SNX25: variants seen among roughly 807,000 people sequenced by gnomAD.
SNX25 encodes sorting nexin 25.
A neutral mutation model predicts 113.7 loss-of-function variants in SNX25; 62 were observed. That is an observed-to-expected ratio of 0.55 (90% CI 0.44 to 0.67). The LOEUF (loss-of-function observed/expected upper bound fraction) is 0.67. SNX25 is among the 30% of genes least tolerant of loss of function. The pLI, the probability that SNX25 is intolerant of heterozygous loss-of-function variation, is 0.00. For missense variants in SNX25, 1,014 were observed against 1,161.0 expected (o/e 0.87, Z 1.84); for synonymous variants, 421 against 436.2 (o/e 0.97, Z 0.43).
intron 3 of SNX25, among the ~76,000 whole-genome samples, chr4:185,261,470 G>A (rs990064514): frequency 9.9e-5 from 15 of 152,250 alleles, no homozygotes; most frequent in Non-Finnish European, 1.9e-4. Flanking sequence ...CACTGTGCCC[G>A]GCTTGAGGAC....
chr4:185,330,062 C>CA (rs2126702611), intron 9 of SNX25, among the ~76,000 whole-genome samples: 1 of 152,226 alleles, frequency 6.6e-6, no homozygotes, highest in Non-Finnish European at 1.5e-5. Context: ...GCTCAATAGT[C>CA]AAAGACAGGT....
chr4:185,244,727 T>G (rs1167938121), intron 1 of SNX25, among the ~76,000 whole-genome samples: 2 of 152,218 alleles, frequency 1.3e-5, no homozygotes, highest in Non-Finnish European at 2.9e-5. Context: ...TGCTATATAT[T>G]AATTTGAGCA....
Position 185,346,527 on chromosome 4 carries a change from C to T in SNX25, c.2188-10C>T. The T allele has an allele frequency of 6.6e-7, 1 of 1,510,642 alleles. No homozygotes were observed. Among genetic ancestry groups the T allele is most frequent in the Non-Finnish European group, 9.0e-7 (1 of 1,107,296 alleles). 93.6% of individuals were successfully genotyped at this position (1,510,642 alleles called of 1,614,324 possible). A position where few individuals can be genotyped will look rare whatever the true frequency, so the allele number is the denominator to read the frequency against. The stretch of plus-strand genomic sequence containing the variant: ...TCAAAATACTAACATTTCATTTTTT[C>T]CCCCCACAGTGCGTCCCTTCTTTAA... On this transcript the variant is annotated splice_polypyrimidine_tract_variant and intron_variant, in intron 12 of 18. Coordinates refer to ENST00000652585, the MANE Select transcript of SNX25 (RefSeq NM_001378034.2).
intron 1 of SNX25, among the ~76,000 whole-genome samples, chr4:185,240,482 G>A (rs1487043054): frequency 3.3e-5 from 5 of 150,018 alleles, no homozygotes; most frequent in African/African-American, 9.8e-5. Flanking sequence ...GGGCAGAGGC[G>A]CCCCTCACCT....
chr4:185,279,630 T>C (rs962551131), intron 5 of SNX25, among the ~76,000 whole-genome samples: 5 of 152,138 alleles, frequency 3.3e-5, no homozygotes, highest in Non-Finnish European at 7.4e-5. Context: ...AACCCTAAAA[T>C]GAGATATTTT....
chr4:185,251,003 G>A (rs1745550191), intron 2 of SNX25, among the ~76,000 whole-genome samples: 1 of 152,010 alleles, frequency 6.6e-6, no homozygotes, highest in South Asian at 2.1e-4. Context: ...TGTTGTGTGT[G>A]TGTGTGTGTG....
intron 7 of SNX25, among the ~76,000 whole-genome samples, chr4:185,320,191 G>A (rs936052065): frequency 1.3e-5 from 2 of 152,154 alleles, no homozygotes; most frequent in Non-Finnish European, 2.9e-5. Context: ...GTTTATTGCA[G>A]CACTGTTTAC....
At chr4:185,371,262 G>A (rs575610242), downstream of SNX25, among the ~76,000 whole-genome samples, 4 of 152,158 alleles carry the variant, frequency 2.6e-5, no homozygotes, top group South Asian at 6.2e-4. Flanking sequence ...ACAATTGGCT[G>A]GGCGCGGTGG....
chr4:185,320,056 A>G (rs1448501105), intron 7 of SNX25, among the ~76,000 whole-genome samples: 2 of 152,256 alleles, frequency 1.3e-5, no homozygotes, highest in African/African-American at 4.8e-5. Flanking sequence ...ACCATTGTGG[A>G]AGACAGTATG....
chr4:185,206,515 C>T (rs1332747454), upstream of SNX25, among the ~76,000 whole-genome samples: 1 of 151,880 alleles, frequency 6.6e-6, no homozygotes, highest in African/African-American at 2.4e-5. Flanking sequence ...AAAAATTAGC[C>T]AGGCATGCTG....
rs58762122 is a variant in SNX25 at position 185,300,840 on chromosome 4, GACACACAC to G, written c.1163-9767_1163-9760del. 4.2e-4 allele frequency among the ~76,000 whole-genome samples: 59 copies of G among 140,788 alleles called. 1 individual carries two copies. The highest frequency in any genetic ancestry group is 1.3e-3 in the African/African-American group (49 of 37,606). The allele number at this position is 140,788 out of a possible 152,430, so 92.4% of individuals were successfully genotyped here. On this transcript the variant is annotated intron_variant, in intron 6 of 18. Transcript: ENST00000652585. ...ATGCCTGTGGTATTATGATTATTATGACACACACACACACACACACACACACACACACA... is the reference window on the plus strand; with the variant it reads ...ATGCCTGTGGTATTATGATTATTATGACACACACACACACACACACACACA...
intron 2 of SNX25, 72 bp from the exon 3 acceptor site, chr4:185,258,776 T>C (rs1393906821): frequency 1.6e-6 from 2 of 1,263,854 alleles, no homozygotes; most frequent in Non-Finnish European, 2.3e-6. Context: ...GTGGCCAGTT[T>C]CCAGTAGAAA....
chr4:185,345,399 A>G (rs1266108698), intron 12 of SNX25, among the ~76,000 whole-genome samples: 2 of 152,214 alleles, frequency 1.3e-5, no homozygotes, highest in Non-Finnish European at 2.9e-5. Context: ...TGCTTCTAGC[A>G]CAGTGTCTGG....
intron 1 of SNX25, among the ~76,000 whole-genome samples, chr4:185,220,695 T>A (rs1230191837): frequency 1.3e-5 from 2 of 152,052 alleles, no homozygotes; most frequent in African/African-American, 4.8e-5. Flanking sequence ...TTAGCCAGGA[T>A]GGTCTCGATC....
At chr4:185,306,918 A>T (rs1754547245) in intron 6 of SNX25, among the ~76,000 whole-genome samples, 1 of 152,184 alleles carries the variant, frequency 6.6e-6, no homozygotes, top group Non-Finnish European at 1.5e-5. Context: ...ATGCTAAATT[A>T]GTGAGTTCTT....
intron 6 of SNX25, among the ~76,000 whole-genome samples, chr4:185,299,257 T>G (rs72709987): frequency 0.063 from 9,642 of 152,304 alleles, 388 homozygotes; most frequent in Non-Finnish European, 0.09. Context: ...AGCAGCCTTG[T>G]GCACGTAGGT....
intron 5 of SNX25, among the ~76,000 whole-genome samples, chr4:185,285,037 A>G (rs1447616475): frequency 3.3e-5 from 5 of 152,218 alleles, no homozygotes; most frequent in African/African-American, 1.2e-4. Context: ...GCTTAGATAC[A>G]TAGGTACATA....
chr4:185,302,214 C>T (rs1357089749), intron 6 of SNX25, among the ~76,000 whole-genome samples: 1 of 151,586 alleles, frequency 6.6e-6, no homozygotes, highest in African/African-American at 2.4e-5. Context: ...GGGATTACAT[C>T]ATCAGACTTT....
At chr4:185,261,114 C>CTCTGTGTG (rs1466393084) in intron 3 of SNX25, among the ~76,000 whole-genome samples, 14 of 141,658 alleles carry the variant, frequency 9.9e-5, no homozygotes, top group South Asian at 2.3e-4. Context: ...CTGTCTGTCT[C>CTCTGTGTG]TGTGTGTGTG....
Sources: allele counts gnomAD v4.1 joint callset (sites outside exome capture counted in the v4.1 genomes callset), GRCh38; gene constraint gnomAD v4.1.1; transcripts MANE v1.5; gene names NCBI Gene and HGNC (gene_info 2026-07-23, HGNC 2026-07-21).